MANBA: variants seen among roughly 807,000 people sequenced by gnomAD.
MANBA encodes beta-mannosidase.
A neutral mutation model predicts 111.1 loss-of-function variants in MANBA; 83 were observed. The observed-to-expected ratio is 0.75, with a 90% CI of 0.63 to 0.90. MANBA has a LOEUF of 0.90. Ranked by LOEUF, MANBA falls within the 40% of genes least tolerant of loss-of-function variation. The pLI is 0.00. For synonymous variants in MANBA, 370 were observed against 378.7 expected, an observed-to-expected ratio of 0.98 and a Z score of 0.27; for missense variants, 1,036 against 1,069.0, an observed-to-expected ratio of 0.97 and a Z score of 0.43.
chr4:102,701,756 T>A (rs1289917858), intron 5 of MANBA, among the ~76,000 whole-genome samples: 1 of 152,106 alleles, frequency 6.6e-6, no homozygotes. Context: ...CTTCCCTTTG[T>A]GGGTAACCTG....
At chr4:102,752,497 A>G in intron 1 of MANBA, 3 of 740,346 alleles carry the variant, frequency 4.1e-6, no homozygotes, top group South Asian at 4.0e-5. Flanking sequence ...GTGGGATACA[A>G]GAAGTTGTAT....
At chr4:102,729,039 T>C (rs1722922156) in intron 1 of MANBA, 3 of 923,146 alleles carry the variant, frequency 3.2e-6, no homozygotes, top group Non-Finnish European at 5.4e-6. Flanking sequence ...AGCTTGATGT[T>C]CATCAGTTCC....
rs1227269014 is a variant in MANBA, at chr4:102,690,617, C to T, written c.828G>A (p.Glu276=). 6.2e-7 allele frequency: 1 copy of T among 1,611,706 alleles called. No individual in the cohort carries two copies. Among genetic ancestry groups the T allele is most frequent in the African/African-American group, 1.3e-5 (1 of 74,780 alleles). ...IELQPGKRIV[E]LFVNISKNIT... Reference sequence around the variant, plus strand: ...TTACCTTGCTAATGTTCACAAATAGCTCAACAATCCTTTTCCCAGGTTGAA... The same window carrying T: ...TTACCTTGCTAATGTTCACAAATAGTTCAACAATCCTTTTCCCAGGTTGAA... Residue 276 remains glutamate (E), a synonymous_variant, in exon 6 of 17, where the codon GAG becomes GAA. Coordinates refer to ENST00000647097, the MANE Select transcript of MANBA (RefSeq NM_005908.4).
chr4:102,704,425 T>A (rs1250299782), intron 5 of MANBA, among the ~76,000 whole-genome samples: 2 of 152,146 alleles, frequency 1.3e-5, no homozygotes, highest in African/African-American at 2.4e-5. Flanking sequence ...GAACTTGGTC[T>A]CCCAAAGCGC....
At chr4:102,691,664 C>T (rs1732483720) in intron 5 of MANBA, among the ~76,000 whole-genome samples, 1 of 152,034 alleles carries the variant, frequency 6.6e-6, no homozygotes, top group African/African-American at 2.4e-5. Context: ...TGCCACTCAC[C>T]TAGCTAATTT....
chr4:102,731,693 G>A (rs1322605252), intron 1 of MANBA, among the ~76,000 whole-genome samples: 4 of 152,128 alleles, frequency 2.6e-5, no homozygotes, highest in Non-Finnish European at 5.9e-5. Flanking sequence ...TGGTGCTATA[G>A]TGGCAGAGTT....
intron 12 of MANBA, among the ~76,000 whole-genome samples, chr4:102,657,232 G>T (rs1730602157): frequency 9.4e-6 from 1 of 106,538 alleles, no homozygotes; most frequent in Non-Finnish European, 1.9e-5. Flanking sequence ...TGGGGGGGGG[G>T]TGGGCGGTGG....
chr4:102,747,120 G>A (rs1001586829), intron 1 of MANBA, among the ~76,000 whole-genome samples: 4 of 151,322 alleles, frequency 2.6e-5, no homozygotes, highest in Non-Finnish European at 5.9e-5. Flanking sequence ...ACCAAAATCT[G>A]TATTAGTCAG....
chr4:102,755,900 A>C (rs1006807051), intron 1 of MANBA, among the ~76,000 whole-genome samples: 20 of 152,224 alleles, frequency 1.3e-4, no homozygotes, highest in African/African-American at 4.8e-4. Flanking sequence ...CCATCAGAGA[A>C]ATGCAAATCA....
intron 14 of MANBA, among the ~76,000 whole-genome samples, chr4:102,639,453 T>C (rs560639427): frequency 6.6e-6 from 1 of 152,298 alleles, no homozygotes; most frequent in Non-Finnish European, 1.5e-5. Context: ...GACTTTTGTA[T>C]AGGAATCTAT....
At chr4:102,656,727 T>C (rs1730572667) in intron 12 of MANBA, among the ~76,000 whole-genome samples, 1 of 152,130 alleles carries the variant, frequency 6.6e-6, no homozygotes, top group South Asian at 2.1e-4. Context: ...TGTATATCCA[T>C]GCAACAGAAT....
In MANBA at chr4:102,690,485, T is replaced by C. The variant is rs530701244; in HGVS notation, c.849+111A>G. The C allele has an allele frequency of 3.7e-5, 37 of 1,008,936 alleles. No individual in the cohort carries two copies. In the South Asian group the frequency reaches 4.7e-4, roughly 13 times the overall value. The allele number at this position is 1,008,936 out of a possible 1,614,324, so 62.5% of individuals were successfully genotyped here. A position where few individuals can be genotyped will look rare whatever the true frequency, so the allele number is the denominator to read the frequency against. ...AAAATAGAGAAGAAAATGACAAATA[T>C]AAGCAGAGAAAGTAGAATTTTCTTT... is the stretch of plus-strand genomic sequence containing the variant. On this transcript the variant is annotated intron_variant, in intron 6 of 16. Transcript: ENST00000647097.
Position 102,760,929 on chromosome 4 carries a change from C to G in MANBA, c.-35G>C, listed in dbSNP as rs1422240055. On this transcript the variant is annotated 5_prime_UTR_variant, in exon 1 of 17. Transcript: ENST00000647097. ...CCGCGCCACCGAGATGTGGAGAGAT[C>G]GAAAGGCAGCGCTGCAAGGGACCGG... 2.0e-6 allele frequency: 3 copies of G among 1,537,474 alleles called. No individual in the cohort carries two copies. Among genetic ancestry groups the G allele is most frequent in the African/African-American group, 2.7e-5 (2 of 73,296 alleles).
intron 5 of MANBA, among the ~76,000 whole-genome samples, chr4:102,706,723 C>G (rs895188710): frequency 6.6e-6 from 1 of 151,602 alleles, no homozygotes; most frequent in African/African-American, 2.4e-5. Flanking sequence ...TTCAAAGTAT[C>G]AATAAGAAAT....
At chr4:102,649,010 C>A (rs1417622753) in intron 13 of MANBA, among the ~76,000 whole-genome samples, 1 of 151,916 alleles carries the variant, frequency 6.6e-6, no homozygotes, top group African/African-American at 2.4e-5. Flanking sequence ...GTTATGTATC[C>A]TTTTATGTCT....
At chr4:102,701,496 A>T (rs1316932270) in intron 5 of MANBA, among the ~76,000 whole-genome samples, 1 of 152,106 alleles carries the variant, frequency 6.6e-6, no homozygotes, top group East Asian at 1.9e-4. Context: ...AGCAGCTGGT[A>T]CCGGTTGTTC....
At chr4:102,696,266 A>G (rs1377346413) in intron 5 of MANBA, among the ~76,000 whole-genome samples, 1 of 152,124 alleles carries the variant, frequency 6.6e-6, no homozygotes, top group Non-Finnish European at 1.5e-5. Context: ...ACAAACATAG[A>G]GAATATGTCT....
At chr4:102,731,439 G>A (rs1376981877) in intron 1 of MANBA, among the ~76,000 whole-genome samples, 1 of 152,158 alleles carries the variant, frequency 6.6e-6, no homozygotes, top group Non-Finnish European at 1.5e-5. Context: ...ACTTAGCTAA[G>A]TGAGCATGAA....
chr4:102,704,127 T>C (rs1476577420), intron 5 of MANBA, among the ~76,000 whole-genome samples: 2 of 151,730 alleles, frequency 1.3e-5, no homozygotes, highest in Non-Finnish European at 2.9e-5. Flanking sequence ...TGATCCCAAA[T>C]GCTGAACGTC....
Sources: allele counts gnomAD v4.1 joint callset (sites outside exome capture counted in the v4.1 genomes callset), GRCh38; gene constraint gnomAD v4.1.1; transcripts MANE v1.5; gene names NCBI Gene and HGNC (gene_info 2026-07-23, HGNC 2026-07-21).